The following PHYHIPL variants were observed in gnomAD, a reference collection of about 807,000 sequenced individuals.
PHYHIPL encodes phytanoyl-CoA 2-hydroxylase interacting protein like, also known as phytanoyl-CoA hydroxylase-interacting protein-like.
In PHYHIPL, 9 loss-of-function variants were observed where a neutral mutation model predicts 33.4. The observed-to-expected ratio is 0.27, with a 90% CI of 0.16 to 0.47. The LOEUF (loss-of-function observed/expected upper bound fraction) is 0.47, where lower values mean the gene tolerates loss of function less well. PHYHIPL is among the 20% of genes least tolerant of loss of function. The pLI, the probability that PHYHIPL is intolerant of heterozygous loss-of-function variation, is 0.99. For missense variants in PHYHIPL, 365 were observed against 460.7 expected, an observed-to-expected ratio of 0.79 and a Z score of 1.90; for synonymous variants, 153 against 154.1, an observed-to-expected ratio of 0.99 and a Z score of 0.05.
chr10:59,199,715 A>G (rs1291358800), intron 1 of PHYHIPL, among the ~76,000 whole-genome samples: 1 of 151,996 alleles, frequency 6.6e-6, no homozygotes, highest in Non-Finnish European at 1.5e-5. Context: ...GTTTGTTTGT[A>G]TCCTCTTTTA....
intron 1 of PHYHIPL, among the ~76,000 whole-genome samples, chr10:59,192,058 A>G (rs565198160): frequency 2.6e-5 from 4 of 152,208 alleles, no homozygotes; most frequent in Admixed American, 2.6e-4. Context: ...TTGAGCGTAT[A>G]CTTGCTGGCT....
intron 1 of PHYHIPL, among the ~76,000 whole-genome samples, chr10:59,201,742 A>C (rs1839124908): frequency 6.6e-6 from 1 of 152,210 alleles, no homozygotes; most frequent in Non-Finnish European, 1.5e-5. Flanking sequence ...TGAAATTTGG[A>C]ATTAAAATAA....
At chr10:59,244,489 G>A (rs1420820303) in intron 4 of PHYHIPL, among the ~76,000 whole-genome samples, 3 of 144,470 alleles carry the variant, frequency 2.1e-5, no homozygotes, top group African/African-American at 7.5e-5. Flanking sequence ...GCTTGAACCT[G>A]GGAGGCAGAG....
chr10:59,223,936 A>G (rs938439799), intron 1 of PHYHIPL, among the ~76,000 whole-genome samples: 3 of 152,212 alleles, frequency 2.0e-5, no homozygotes, highest in Non-Finnish European at 2.9e-5. Flanking sequence ...TTGGGATTAC[A>G]GGCATGATCC....
chr10:59,245,275 A>G lies in PHYHIPL; in HGVS notation c.815A>G (p.Tyr272Cys). 1.2e-6 allele frequency: 2 copies of G among 1,614,104 alleles called. No individual in the cohort carries two copies. The highest frequency in any genetic ancestry group is 1.7e-6 in the Non-Finnish European group (2 of 1,180,006). The change falls in exon 5 of 5, where the codon TAC becomes TGC. Residue 272 changes from tyrosine (Y) to cysteine (C), a missense_variant. Around this residue, in one of 4 missense-constraint regions of PHYHIPL, gnomAD observed 196 missense variants for 224.9 expected, o/e 0.87. Transcript: ENST00000373880. ...ACTAACTTATACTTTGGGGACTTCT[A>G]CTGTATGTACACTGCTTATCATTAT... ...PNTNLYFGDFYCMYTAYHYVI... is the reference protein window; with the variant it reads ...PNTNLYFGDFCCMYTAYHYVI...
rs759845094 is a variant in PHYHIPL, at chr10:59,245,472, G to A, written c.1012G>A (p.Val338Met). Residue 338 changes from valine to methionine, a missense_variant, in exon 5 of 5, where the codon GTG becomes ATG. Val to Met is a conservative substitution (Grantham distance 21, BLOSUM62 1). This residue lies in a region of PHYHIPL where 196 missense variants were observed against 224.9 expected (regional missense o/e 0.87). Coordinates refer to ENST00000373880, the MANE Select transcript of PHYHIPL (RefSeq NM_032439.4). ...TTTAGAAGTCATTTACACTGACCCT[G>A]TGGATCTTTCTGTGGGCACCGTGGC... ...VILEVIYTDP[V>M]DLSVGTVAEI... 1 of 1,614,138 alleles carries A rather than the reference G, an allele frequency of 6.2e-7. No homozygotes were observed. The highest frequency in any genetic ancestry group is 8.5e-7 in the Non-Finnish European group (1 of 1,180,028).
At chr10:59,177,062 T>C in intron 1 of PHYHIPL, 103 bp downstream of exon 1, 2 of 948,464 alleles carry the variant, frequency 2.1e-6, no homozygotes, top group Middle Eastern at 3.0e-4. Context: ...CAGGGTCTTT[T>C]GTTGTCCCCT....
chr10:59,192,790 G>A (rs1435595643), intron 1 of PHYHIPL, among the ~76,000 whole-genome samples: 2 of 152,122 alleles, frequency 1.3e-5, no homozygotes, highest in Non-Finnish European at 2.9e-5. Flanking sequence ...TAGATTTGGA[G>A]ATGGGGTACA....
rs763398944 is a variant in PHYHIPL, at chr10:59,245,572, A to G, written c.1112A>G (p.Asn371Ser). 14 of 1,605,570 alleles carry G rather than the reference A, an allele frequency of 8.7e-6. No individual in the cohort carries two copies. The South Asian group carries it at 1.6e-4, about 18-fold the overall frequency. ...AKKDPSCKTC[N>S]ISVGR ...AAAGATCCCAGCTGCAAAACCTGTA[A>G]TATCAGTGTTGGACGTTAATGCCCA... Residue 371 changes from asparagine (N) to serine (S), a missense_variant, in exon 5 of 5, where the codon AAT (asparagine) becomes AGT (serine). Asn to Ser is a conservative substitution (Grantham distance 46). Transcript: ENST00000373880.
At chr10:59,193,601 A>G (rs750859041) in intron 1 of PHYHIPL, among the ~76,000 whole-genome samples, 1 of 152,194 alleles carries the variant, frequency 6.6e-6, no homozygotes, top group African/African-American at 2.4e-5. Flanking sequence ...GTGCTAGGCT[A>G]CAATAAGACA....
At position 59,183,589 on chromosome 10, in the gene PHYHIPL, T is replaced by G. The variant is rs144658861; in HGVS notation, c.106+6630T>G. ...GGGAAAGGGGTGGTCACATCCAACT[T>G]TAAACAACAAAGATGAAATAAATCT... On this transcript the variant is annotated intron_variant, in intron 1 of 4. Coordinates refer to ENST00000373880, the MANE Select transcript of PHYHIPL (RefSeq NM_032439.4). 5.3e-5 allele frequency: 49 copies of G among 932,474 alleles called. No homozygotes were observed. The East Asian group carries it at 5.0e-3, about 96-fold the overall frequency. The allele number at this position is 932,474 out of a possible 1,614,324, so 57.8% of individuals were successfully genotyped here.
At chr10:59,203,923 A>T (rs534695710) in intron 1 of PHYHIPL, among the ~76,000 whole-genome samples, 43 of 152,288 alleles carry the variant, frequency 2.8e-4, no homozygotes, top group East Asian at 9.6e-4. Flanking sequence ...TAATTTTTTT[A>T]AAAAAGGCCA....
intron 1 of PHYHIPL, among the ~76,000 whole-genome samples, chr10:59,177,892 A>G (rs1199886896): frequency 2.0e-5 from 3 of 152,228 alleles, no homozygotes; most frequent in African/African-American, 7.2e-5. Context: ...GACAAAGGAA[A>G]CACAGTTCAC....
At position 59,247,708 on chromosome 10, in the gene PHYHIPL, ATTGGTATCC is replaced by A; in HGVS notation, c.*2119_*2127del. The A allele has an allele frequency of 6.2e-7, 1 of 1,613,040 alleles. No homozygotes were observed. The highest frequency in any genetic ancestry group is 1.7e-4 in the Middle Eastern group (1 of 6,054). On this transcript the variant is annotated 3_prime_UTR_variant, in exon 5 of 5. Transcript: ENST00000373880. ...CTTATATTCATAATACTCATCTGCC[ATTGGTATCC>A]TATCTTCCTTTTGTGGACTTCTGCA...
At chr10:59,234,063 T>C (rs575660515) in intron 1 of PHYHIPL, among the ~76,000 whole-genome samples, 36 of 151,872 alleles carry the variant, frequency 2.4e-4, no homozygotes, top group African/African-American at 8.7e-4. Flanking sequence ...AAAAATAGGC[T>C]CTTGAGGTTT....
intron 1 of PHYHIPL, 176 bp downstream of exon 1, chr10:59,177,135 C>G (rs1053853439): frequency 1.6e-6 from 1 of 627,244 alleles, no homozygotes; most frequent in African/African-American, 1.9e-5. Flanking sequence ...ACCCCAGAAA[C>G]AAAAGGACCC....
At chr10:59,177,699 A>T (rs976639537) in intron 1 of PHYHIPL, 10 of 1,467,568 alleles carry the variant, frequency 6.8e-6, no homozygotes, top group African/African-American at 1.4e-5. Flanking sequence ...AAATTGATTG[A>T]ATACAGGTCT....
chr10:59,176,692 G>C lies in PHYHIPL; in HGVS notation c.-162G>C, dbSNP rs2133167905. The C allele has an allele frequency of 1.6e-6, 1 of 610,406 alleles. No individual in the cohort carries two copies. Among genetic ancestry groups the C allele is most frequent in the South Asian group, 2.1e-5 (1 of 48,258 alleles). 37.8% of individuals were successfully genotyped at this position (610,406 alleles called of 1,614,324 possible). On this transcript the variant is annotated 5_prime_UTR_variant, in exon 1 of 5. Coordinates refer to ENST00000373880, the MANE Select transcript of PHYHIPL (RefSeq NM_032439.4). ...CTGCCACAGCCGTCGCCTTCGCGGC[G>C]GCTCTCCAGCCCCGCGCCTCAGCCT... is the stretch of plus-strand genomic sequence containing the variant.
intron 1 of PHYHIPL, among the ~76,000 whole-genome samples, chr10:59,177,965 A>G (rs1397294015): frequency 6.6e-6 from 1 of 152,220 alleles, no homozygotes; most frequent in Non-Finnish European, 1.5e-5. Flanking sequence ...AACTGTATAT[A>G]GAGGTAATGA....
Sources: gnomAD v4.1 joint callset for allele counts (sites outside exome capture counted in the v4.1 genomes callset) on GRCh38, gnomAD v4.1.1 for gene constraint, gnomAD v4.1.1 regional missense constraint, MANE v1.5 for transcripts, NCBI Gene and HGNC (gene_info 2026-07-23, HGNC 2026-07-21) for gene names.